Variants in TGM2 observed in about 807,000 individuals in gnomAD.
TGM2 encodes the protein transglutaminase 2.
In TGM2, 53 loss-of-function variants were observed where a neutral mutation model predicts 75.6. That is an observed-to-expected ratio of 0.70 (90% CI 0.56 to 0.88). The LOEUF (loss-of-function observed/expected upper bound fraction) is 0.88, where lower values mean the gene tolerates loss of function less well. Ranked by LOEUF, TGM2 falls within the 40% of genes least tolerant of loss-of-function variation. TGM2 has a pLI of 0.00. For missense variants in TGM2, 842 were observed against 928.5 expected (o/e 0.91, Z 1.21); for synonymous variants, 374 against 381.1 (o/e 0.98, Z 0.22).
intron 2 of TGM2, among the ~76,000 whole-genome samples, chr20:38,158,861 C>T (rs2075219672): frequency 6.6e-6 from 1 of 151,382 alleles, no homozygotes; most frequent in African/African-American, 2.5e-5. Context: ...GGCGCTGACC[C>T]AGGCCAGGCC....
chr20:38,164,900 C>T (rs2075294194), intron 1 of TGM2, among the ~76,000 whole-genome samples: 1 of 152,228 alleles, frequency 6.6e-6, no homozygotes. Flanking sequence ...GAGCCAGCCC[C>T]CACTGACTGA....
At chr20:38,142,229 G>C in intron 6 of TGM2, 30 bp from the exon 7 acceptor site, 1 of 1,613,460 alleles carries the variant, frequency 6.2e-7, no homozygotes. Flanking sequence ...AGCGGGGTGA[G>C]GTCCTGGAGA....
At chr20:38,166,853 C>T (rs1568710125), upstream of TGM2, among the ~76,000 whole-genome samples, 3 of 152,202 alleles carry the variant, frequency 2.0e-5, no homozygotes, top group South Asian at 2.1e-4. Flanking sequence ...GTTGCAGAAA[C>T]TGCTCCCTGC....
chr20:38,138,517 T>C lies in TGM2; in HGVS notation c.1343-132A>G. 7 of 1,537,082 alleles carry C rather than the reference T, an allele frequency of 4.6e-6. No homozygotes were observed. In the South Asian group the frequency reaches 8.0e-5, roughly 18 times the overall value. ...CATGAAGGAGCCCCTTCTCTACATT[T>C]CTGGGCCAGAAGGACACAGCATTTC... is the stretch of plus-strand genomic sequence containing the variant. On this transcript the variant is annotated intron_variant, in intron 9 of 12. Transcript: ENST00000361475.
chr20:38,130,165 G>A lies in TGM2; in HGVS notation c.*54C>T. On this transcript the variant is annotated 3_prime_UTR_variant, in exon 13 of 13. Transcript: ENST00000361475. Reference sequence around the variant, plus strand: ...GGGCATATTTTGCTCACTAGCTTGGGATAAGGATTGGGATCAAGGTGGGGG... The same window carrying A: ...GGGCATATTTTGCTCACTAGCTTGGAATAAGGATTGGGATCAAGGTGGGGG... The A allele has an allele frequency of 6.2e-7, 1 of 1,608,892 alleles. No individual in the cohort carries two copies. The highest frequency in any genetic ancestry group is 8.5e-7 in the Non-Finnish European group (1 of 1,178,358).
intron 6 of TGM2, among the ~76,000 whole-genome samples, chr20:38,144,632 T>C (rs956364499): frequency 6.6e-6 from 1 of 152,162 alleles, no homozygotes; most frequent in Admixed American, 6.5e-5. Context: ...GTCACCATTG[T>C]CTCCATTTTA....
intron 3 of TGM2, among the ~76,000 whole-genome samples, chr20:38,155,107 AAAAAC>A (rs45624639): frequency 2.6e-5 from 4 of 151,440 alleles, no homozygotes; most frequent in East Asian, 2.0e-4. Flanking sequence ...ACTCCGTCTC[AAAAAC>A]AAAACAAAAC....
In TGM2 at chr20:38,129,404, TGGGGTTATAAATG is replaced by T. The variant is rs1478328721; in HGVS notation, c.*802_*814del. The T allele has an allele frequency of 6.6e-6, 1 of 152,144 alleles. No homozygotes were observed. Among genetic ancestry groups the T allele is most frequent in the Non-Finnish European group, 1.5e-5 (1 of 68,054 alleles). The allele number at this position is 152,144 out of a possible 1,614,324, so 9.4% of individuals were successfully genotyped here. On this transcript the variant is annotated 3_prime_UTR_variant, in exon 13 of 13. Transcript: ENST00000361475. ...CCTCTCCGACAGTCTCAGGTCAGGC[TGGGGTTATAAATG>T]GAGCAGTGGACTCAGAGTCAGAGGC...
rs1347188045 is a variant in TGM2 at position 38,127,767 on chromosome 20, A to G, written c.*2452T>C. On this transcript the variant is annotated 3_prime_UTR_variant, in exon 13 of 13. Coordinates refer to ENST00000361475, the MANE Select transcript of TGM2 (RefSeq NM_004613.4). ...GGATATATTGGATTAAATAAAATAC[A>G]TTATTAAAGCTAATTCCACCTATGG... The G allele has an allele frequency of 1.3e-5, 2 of 152,246 alleles. No homozygotes were observed. Among genetic ancestry groups the G allele is most frequent in the Non-Finnish European group, 2.9e-5 (2 of 68,036 alleles). The allele number at this position is 152,246 out of a possible 1,614,324, so 9.4% of individuals were successfully genotyped here.
chr20:38,130,829 T>C (rs1466064038), intron 12 of TGM2, among the ~76,000 whole-genome samples: 1 of 152,216 alleles, frequency 6.6e-6, no homozygotes, highest in Non-Finnish European at 1.5e-5. Flanking sequence ...TATGTGAGGA[T>C]GCACGTGTCT....
chr20:38,142,035 C>T, intron 7 of TGM2, 29 bp downstream of exon 7: 1 of 1,613,928 alleles, frequency 6.2e-7, no homozygotes, highest in Non-Finnish European at 8.5e-7. Flanking sequence ...CCCTACTGGG[C>T]TCCGATCCCA....
chr20:38,146,959 G>A, intron 5 of TGM2, 65 bp from the exon 6 acceptor site: 2 of 1,549,354 alleles, frequency 1.3e-6, no homozygotes, highest in South Asian at 1.2e-5. Context: ...CCGCCTGGGT[G>A]AGCCTGAGTA....
Position 38,130,113 on chromosome 20 carries a change from C to A in TGM2, c.*106G>T. 6.6e-7 allele frequency: 1 copy of A among 1,510,238 alleles called. No individual in the cohort carries two copies. The highest frequency in any genetic ancestry group is 2.3e-5 in the East Asian group (1 of 42,758). 93.6% of individuals were successfully genotyped at this position (1,510,238 alleles called of 1,614,324 possible). A position where few individuals can be genotyped will look rare whatever the true frequency, so the allele number is the denominator to read the frequency against. Reference sequence around the variant, plus strand: ...CGAGAGCCCCCATAGGCTGCCCACCCTGCCCTGGGGTCTGGGGCCCAAGAA... The same window carrying A: ...CGAGAGCCCCCATAGGCTGCCCACCATGCCCTGGGGTCTGGGGCCCAAGAA... On this transcript the variant is annotated 3_prime_UTR_variant, in exon 13 of 13. Coordinates refer to ENST00000361475, the MANE Select transcript of TGM2 (RefSeq NM_004613.4).
chr20:38,137,105 C>T (rs575176010), intron 10 of TGM2, among the ~76,000 whole-genome samples: 33 of 152,326 alleles, frequency 2.2e-4, no homozygotes, highest in South Asian at 4.1e-4. Flanking sequence ...GAGGCCTGGA[C>T]GCTCCCACCT....
chr20:38,151,060 G>A lies in TGM2; in HGVS notation c.434-3C>T, dbSNP rs549109726. On this transcript the variant is annotated splice_polypyrimidine_tract_variant and splice_region_variant and intron_variant, in intron 3 of 12. Coordinates refer to ENST00000361475, the MANE Select transcript of TGM2 (RefSeq NM_004613.4). The stretch of plus-strand genomic sequence containing the variant: ...CGAGTCCAGGTACACAGCATCCGCT[G>A]CAGGCAGGAAGAAAGGGACCTCAGC... 1 of 1,611,514 alleles carries A rather than the reference G, an allele frequency of 6.2e-7. No homozygotes were observed. Among genetic ancestry groups the A allele is most frequent in the Non-Finnish European group, 8.5e-7 (1 of 1,177,614 alleles).
intron 2 of TGM2, 119 bp from the exon 3 acceptor site, chr20:38,156,208 A>G: frequency 7.8e-7 from 1 of 1,287,256 alleles, no homozygotes; most frequent in Non-Finnish European, 1.1e-6. Context: ...CCACTGAAAT[A>G]AGTTTGGCAA....
At chr20:38,130,434 A>C (rs2074813694) in intron 12 of TGM2, 65 bp from the exon 13 acceptor site, 2 of 1,527,394 alleles carry the variant, frequency 1.3e-6, no homozygotes, top group African/African-American at 1.4e-5. Flanking sequence ...GCTGGGGTCC[A>C]GCCAGGAAGT....
Position 38,139,565 on chromosome 20 carries a change from C to T in TGM2, c.1189G>A (p.Val397Ile). ...ATCCAGTCTACCACGTCGGCATTGA[C>T]CTCCGCAAAGACAAAGGGCGCATCG... ...KYDAPFVFAE[V>I]NADVVDWIQQ... The change falls in exon 9 of 13, where the codon GTC becomes ATC. Residue 397 changes from valine (V) to isoleucine (I), a missense_variant. Coordinates refer to ENST00000361475, the MANE Select transcript of TGM2 (RefSeq NM_004613.4). The T allele has an allele frequency of 6.2e-7, 1 of 1,614,196 alleles. No homozygotes were observed. The highest frequency in any genetic ancestry group is 8.5e-7 in the Non-Finnish European group (1 of 1,180,036).
In TGM2 at chr20:38,131,200, C is replaced by T; in HGVS notation, c.1806G>A (p.Lys602=). 1 of 1,613,958 alleles carries T rather than the reference C, an allele frequency of 6.2e-7. No individual in the cohort carries two copies. Among genetic ancestry groups the T allele is most frequent in the Non-Finnish European group, 8.5e-7 (1 of 1,180,018 alleles). ...TCTGCAGGGACACCTCAGCCACCAG[C>T]TTGCGTTTCTGCTTGGGCTCCCCAA... ...RILGEPKQKR[K]LVAEVSLQNP... Residue 602 remains lysine, a synonymous_variant, in exon 12 of 13, where the codon AAG becomes AAA. Transcript: ENST00000361475.
Sources: allele counts gnomAD v4.1 joint callset (sites outside exome capture counted in the v4.1 genomes callset), GRCh38; gene constraint gnomAD v4.1.1; transcripts MANE v1.5; gene names NCBI Gene and HGNC (gene_info 2026-07-23, HGNC 2026-07-21).